Variants in SLC27A4 observed in about 807,000 individuals in gnomAD.
SLC27A4 encodes long-chain fatty acid transport protein 4.
A neutral mutation model predicts 64.4 loss-of-function variants in SLC27A4; 33 were observed. That is an observed-to-expected ratio of 0.51 (90% CI 0.39 to 0.68). The LOEUF (loss-of-function observed/expected upper bound fraction) is 0.68, where lower values mean the gene tolerates loss of function less well. Ranked by LOEUF, SLC27A4 falls within the 30% of genes least tolerant of loss-of-function variation. SLC27A4 has a pLI of 0.00. For synonymous variants in SLC27A4, 377 were observed against 370.0 expected (o/e 1.02, Z -0.22); for missense variants, 824 against 883.5 (o/e 0.93, Z 0.85).
intron 6 of SLC27A4, among the ~76,000 whole-genome samples, 161 bp downstream of exon 6, chr9:128,350,736 A>G (rs539324530): frequency 3.3e-5 from 5 of 152,316 alleles, no homozygotes; most frequent in Non-Finnish European, 7.4e-5. Flanking sequence ...TGGGCGGATC[A>G]CTTGAGGCCA....
In SLC27A4 at chr9:128,350,388, G is replaced by A. The variant is rs17848328; in HGVS notation, c.785+7G>A. On this transcript the variant is annotated splice_region_variant and intron_variant, in intron 5 of 12. Transcript: ENST00000300456. ...CCATCGTGGTGCACAGCAGGTAAGG[G>A]GCAGGTGCCCAGGGTGGGGTAGGCA... 2.0e-3 allele frequency: 3,161 copies of A among 1,613,586 alleles called. 33 individuals are homozygous for A. In the East Asian group the frequency reaches 0.023, roughly 12 times the overall value.
At position 128,353,606 on chromosome 9, in the gene SLC27A4, G is replaced by A; in HGVS notation, c.1324+65G>A. ...GGAAGGAAGGAGGCCAGGCGCGTGTGGATGGGGAGCCTTGTTCTGACCAGT... is the reference window on the plus strand; with the variant it reads ...GGAAGGAAGGAGGCCAGGCGCGTGTAGATGGGGAGCCTTGTTCTGACCAGT... On this transcript the variant is annotated intron_variant, in intron 9 of 12. Coordinates refer to ENST00000300456, the MANE Select transcript of SLC27A4 (RefSeq NM_005094.4). The surrounding 1 kb of genome is among the most constrained non-coding windows in gnomAD (Gnocchi z 4.9). 6.4e-7 allele frequency: 1 copy of A among 1,570,824 alleles called. No homozygotes were observed. The highest frequency in any genetic ancestry group is 1.1e-5 in the South Asian group (1 of 87,450).
intron 12 of SLC27A4, among the ~76,000 whole-genome samples, chr9:128,358,476 C>T (rs1832851465): frequency 6.6e-6 from 1 of 152,162 alleles, no homozygotes; most frequent in Non-Finnish European, 1.5e-5. Context: ...TGGAGTCTTG[C>T]TCTATCGCCC....
chr9:128,356,429 C>G (rs1218993668), intron 12 of SLC27A4, among the ~76,000 whole-genome samples: 1 of 152,248 alleles, frequency 6.6e-6, no homozygotes, highest in African/African-American at 2.4e-5. Flanking sequence ...GAGAAACCAG[C>G]AGGGGCCAGA....
At chr9:128,358,807 G>A (rs546278409) in intron 12 of SLC27A4, among the ~76,000 whole-genome samples, 29 of 152,252 alleles carry the variant, frequency 1.9e-4, no homozygotes, top group African/African-American at 6.7e-4. Flanking sequence ...GCCGGTCTGG[G>A]CCCTCACCTG....
In SLC27A4 at chr9:128,353,599, C is replaced by A. The variant is rs957273055; in HGVS notation, c.1324+58C>A. 2 of 1,588,574 alleles carry A rather than the reference C, an allele frequency of 1.3e-6. No individual in the cohort carries two copies. Among genetic ancestry groups the A allele is most frequent in the Non-Finnish European group, 1.7e-6 (2 of 1,162,806 alleles). On this transcript the variant is annotated intron_variant, in intron 9 of 12. Transcript: ENST00000300456. The surrounding 1 kb of genome is among the most constrained non-coding windows in gnomAD (Gnocchi z 4.9). ...TGGCCTGGGAAGGAAGGAGGCCAGG[C>A]GCGTGTGGATGGGGAGCCTTGTTCT... is the stretch of plus-strand genomic sequence containing the variant.
At chr9:128,343,783 T>C (rs1302054115) in intron 2 of SLC27A4, among the ~76,000 whole-genome samples, 2 of 152,152 alleles carry the variant, frequency 1.3e-5, no homozygotes, top group Non-Finnish European at 2.9e-5. Context: ...ACCAGAAATA[T>C]CTATTCCCGC....
chr9:128,356,290 C>G (rs1174990296), intron 12 of SLC27A4, among the ~76,000 whole-genome samples: 2 of 152,118 alleles, frequency 1.3e-5, no homozygotes, highest in South Asian at 2.1e-4. Flanking sequence ...CGGTGGGAGG[C>G]ACTCTAGGCT....
chr9:128,350,429 A>T (rs1308415971), intron 5 of SLC27A4, 48 bp downstream of exon 5: 17 of 1,611,392 alleles, frequency 1.1e-5, no homozygotes, highest in Admixed American at 1.7e-5. Context: ...AGGGCTGGGG[A>T]GCCTCCTTCT....
chr9:128,345,826 G>C lies in SLC27A4; in HGVS notation c.556+277G>C, dbSNP rs548827524. Among the ~76,000 whole-genome samples the C allele has an allele frequency of 2.6e-4, 39 of 152,320 alleles. No homozygotes were observed. The highest frequency in any genetic ancestry group is 9.4e-4 in the African/African-American group (39 of 41,584). On this transcript the variant is annotated intron_variant, in intron 3 of 12. Coordinates refer to ENST00000300456, the MANE Select transcript of SLC27A4 (RefSeq NM_005094.4). The surrounding 1 kb of genome is among the most constrained non-coding windows in gnomAD (Gnocchi z 4.1). ...CTCACAGCTGTAATCCCAGCATGTT[G>C]GGAGGCCAAGGCAGGAGGATCCCTT...
intron 12 of SLC27A4, among the ~76,000 whole-genome samples, chr9:128,358,587 G>GC (rs1198318133): frequency 6.6e-6 from 1 of 152,158 alleles, no homozygotes; most frequent in African/African-American, 2.4e-5. Context: ...GGGATTACAG[G>GC]CACGTGCCAC....
intron 10 of SLC27A4, 92 bp downstream of exon 10, chr9:128,355,282 C>T: frequency 6.3e-7 from 1 of 1,589,460 alleles, no homozygotes; most frequent in Non-Finnish European, 8.6e-7. Flanking sequence ...CAGGACTCCC[C>T]CAGTCCTGGC....
Position 128,355,492 on chromosome 9 carries a change from C to T in SLC27A4, c.1557C>T (p.Thr519=), listed in dbSNP as rs768990519. 1.1e-5 allele frequency: 18 copies of T among 1,613,422 alleles called. No homozygotes were observed. The highest frequency in any genetic ancestry group is 7.7e-5 in the South Asian group (7 of 91,084). ...GGAAAGGTGAGAACGTGTCCACCAC[C>T]GAGGTGGAAGGCACACTCAGCCGCC... The part of the protein sequence containing the change: ...FRWKGENVST[T]EVEGTLSRLL... The change falls in exon 11 of 13, where the codon ACC becomes ACT. Residue 519 remains threonine (T), a synonymous_variant. Coordinates refer to ENST00000300456, the MANE Select transcript of SLC27A4 (RefSeq NM_005094.4).
chr9:128,348,868 AC>A (rs1390841637), intron 4 of SLC27A4, among the ~76,000 whole-genome samples, 165 bp downstream of exon 4: 1 of 152,104 alleles, frequency 6.6e-6, no homozygotes, highest in African/African-American at 2.4e-5. Flanking sequence ...AACCTGGGCC[AC>A]TCCAGGGTTA....
chr9:128,360,577 A>G lies in SLC27A4; in HGVS notation c.*86A>G. 1 of 1,481,058 alleles carries G rather than the reference A, an allele frequency of 6.8e-7. No individual in the cohort carries two copies. Among genetic ancestry groups the G allele is most frequent in the Non-Finnish European group, 9.3e-7 (1 of 1,072,122 alleles). 91.7% of individuals were successfully genotyped at this position (1,481,058 alleles called of 1,614,324 possible). ...GAGCGGTCCTGGACAAGGCCAGACC[A>G]AAGCAAGCAGGGCCTGGCACCTCCA... On this transcript the variant is annotated 3_prime_UTR_variant, in exon 13 of 13. Coordinates refer to ENST00000300456, the MANE Select transcript of SLC27A4 (RefSeq NM_005094.4).
rs771423302 is a variant in SLC27A4, at chr9:128,353,380, TGA to T, written c.1198-29_1198-28del. 8 of 1,613,934 alleles carry T rather than the reference TGA, an allele frequency of 5.0e-6. No individual in the cohort carries two copies. In the African/African-American group the frequency reaches 1.1e-4, roughly 22 times the overall value. ...TCATTGTCCAGTTTTGGGCCCATGG[TGA>T]GAGAGCCCAGGCCCAAGTCTTGGCC... On this transcript the variant is annotated intron_variant, in intron 8 of 12. Coordinates refer to ENST00000300456, the MANE Select transcript of SLC27A4 (RefSeq NM_005094.4). This position sits in a 1 kb window ranked among gnomAD's most constrained non-coding sequence, Gnocchi z 4.9.
intron 5 of SLC27A4, 26 bp from the exon 6 acceptor site, chr9:128,350,458 C>T: frequency 1.2e-6 from 2 of 1,612,250 alleles, no homozygotes; most frequent in Non-Finnish European, 1.7e-6. Flanking sequence ...AGGGCCCGCT[C>T]AGCCCTTGGC....
intron 6 of SLC27A4, among the ~76,000 whole-genome samples, chr9:128,351,497 T>A (rs1832735993): frequency 6.6e-6 from 1 of 151,364 alleles, no homozygotes; most frequent in African/African-American, 2.4e-5. Context: ...GGTGAGTGGA[T>A]CACGAGGTCA....
chr9:128,350,609 C>T lies in SLC27A4; in HGVS notation c.877+34C>T, dbSNP rs1405721823. 3 of 1,525,402 alleles carry T rather than the reference C, an allele frequency of 2.0e-6. No homozygotes were observed. The Admixed American group carries it at 5.3e-5, about 27-fold the overall frequency. 94.5% of individuals were successfully genotyped at this position (1,525,402 alleles called of 1,614,324 possible). On this transcript the variant is annotated intron_variant, in intron 6 of 12. Transcript: ENST00000300456. ...AGGGCTGTCACACAGCCTCCAGCAC[C>T]TGCCAGGTCTCTAGGAACCCCACCC...
Sources: allele counts gnomAD v4.1 joint callset (sites outside exome capture counted in the v4.1 genomes callset), GRCh38; gene constraint gnomAD v4.1.1; non-coding constraint Gnocchi (gnomAD v3.1); transcripts MANE v1.5; gene names NCBI Gene and HGNC (gene_info 2026-07-23, HGNC 2026-07-21).